Variants in SHC3 observed in about 807,000 individuals in gnomAD.
The protein encoded by SHC3 is SHC-transforming protein 3.
SHC3 carries 15 observed loss-of-function variants against 60.4 expected under a neutral mutation model. That is an observed-to-expected ratio of 0.25 (90% CI 0.17 to 0.38). SHC3 has a LOEUF of 0.38. Among genes scored for constraint, SHC3 ranks in the 10% least tolerant of loss-of-function variants. SHC3 has a pLI of 1.00. For missense variants in SHC3, 677 were observed against 786.1 expected, an observed-to-expected ratio of 0.86 and a Z score of 1.66; for synonymous variants, 294 against 325.9, an observed-to-expected ratio of 0.90 and a Z score of 1.05.
At chr9:89,111,958 T>C (rs553836313) in intron 2 of SHC3, among the ~76,000 whole-genome samples, 11 of 152,356 alleles carry the variant, frequency 7.2e-5, no homozygotes, top group Non-Finnish European at 1.5e-4. Flanking sequence ...GTGTAAGCTC[T>C]ACTGGGAGCT....
Position 89,149,734 on chromosome 9 carries a change from G to C in SHC3, c.474+28253C>G, listed in dbSNP as rs117738117. ...ACAATTCAGTGATTTTGAGTATACA[G>C]TAGATCCCCCTTATTTGTAGTTTCA... On this transcript the variant is annotated intron_variant, in intron 1 of 11. Coordinates refer to ENST00000375835, the MANE Select transcript of SHC3 (RefSeq NM_016848.6). 4.3e-3 allele frequency among the ~76,000 whole-genome samples: 660 copies of C among 152,302 alleles called. 3 individuals carry two copies. Among genetic ancestry groups the C allele is most frequent in the Admixed American group, 6.7e-3 (103 of 15,304 alleles).
At chr9:89,073,474 C>T (rs1291981347) in intron 4 of SHC3, among the ~76,000 whole-genome samples, 1 of 152,120 alleles carries the variant, frequency 6.6e-6, no homozygotes, top group Non-Finnish European at 1.5e-5. Context: ...AGTGTCTAGC[C>T]AGGCTGTTCT....
At chr9:89,107,314 T>G (rs1825877644) in intron 2 of SHC3, among the ~76,000 whole-genome samples, 1 of 152,236 alleles carries the variant, frequency 6.6e-6, no homozygotes, top group Admixed American at 6.5e-5. Flanking sequence ...CCCCTTGCCC[T>G]GTGACTCTGG....
intron 1 of SHC3, among the ~76,000 whole-genome samples, chr9:89,135,709 G>C (rs1310334866): frequency 6.6e-6 from 1 of 152,064 alleles, no homozygotes. Flanking sequence ...GACTGACTCT[G>C]TTTATTCCTG....
chr9:89,121,354 G>A (rs182135756), intron 1 of SHC3, among the ~76,000 whole-genome samples: 33 of 151,784 alleles, frequency 2.2e-4, no homozygotes, highest in African/African-American at 5.8e-4. Context: ...GCAATGGCAC[G>A]ATCTCAGCTC....
At chr9:89,161,116 C>G (rs2118240973) in intron 1 of SHC3, among the ~76,000 whole-genome samples, 1 of 152,252 alleles carries the variant, frequency 6.6e-6, no homozygotes, top group East Asian at 1.9e-4. Flanking sequence ...GAGTTTGGAT[C>G]TGGTCCCCAC....
chr9:89,177,953 C>A, intron 1 of SHC3, 34 bp downstream of exon 1: 1 of 1,199,484 alleles, frequency 8.3e-7, no homozygotes, highest in Non-Finnish European at 1.0e-6. Context: ...CCCCAGAACC[C>A]CCAGCCCCCA....
chr9:89,127,089 C>A (rs142828025), intron 1 of SHC3, among the ~76,000 whole-genome samples: 7 of 152,294 alleles, frequency 4.6e-5, no homozygotes. Flanking sequence ...ATGGAGACTG[C>A]CCAGTACTGT....
chr9:89,036,731 G>T (rs1342927691), intron 11 of SHC3, among the ~76,000 whole-genome samples: 1 of 152,126 alleles, frequency 6.6e-6, no homozygotes, highest in Non-Finnish European at 1.5e-5. Flanking sequence ...TAACATGTTT[G>T]CAAACTTCTT....
At chr9:89,055,016 C>T (rs1274607287) in intron 6 of SHC3, among the ~76,000 whole-genome samples, 2 of 152,254 alleles carry the variant, frequency 1.3e-5, no homozygotes, top group African/African-American at 4.8e-5. Flanking sequence ...ACAAGGACTA[C>T]TCCATAACTG....
intron 2 of SHC3, among the ~76,000 whole-genome samples, chr9:89,099,124 A>T (rs1358551488): frequency 6.6e-6 from 1 of 152,146 alleles, no homozygotes; most frequent in South Asian, 2.1e-4. Context: ...ATTCAATAGA[A>T]TTGAAGTAGC....
intron 4 of SHC3, among the ~76,000 whole-genome samples, chr9:89,071,927 G>A (rs114533389): frequency 2.6e-5 from 4 of 152,300 alleles, no homozygotes; most frequent in African/African-American, 9.6e-5. Flanking sequence ...TTGTGCATCT[G>A]GATCAAGCCA....
chr9:89,137,110 GA>G (rs995713883), intron 1 of SHC3, among the ~76,000 whole-genome samples: 4 of 152,056 alleles, frequency 2.6e-5, no homozygotes, highest in African/African-American at 9.7e-5. Flanking sequence ...ACAGCAAAGG[GA>G]AAATCCACCT....
chr9:89,077,589 G>T (rs1413912762), intron 3 of SHC3, among the ~76,000 whole-genome samples: 4 of 152,200 alleles, frequency 2.6e-5, no homozygotes, highest in Non-Finnish European at 5.9e-5. Flanking sequence ...AGTGTCTGTT[G>T]TTATCATTAT....
intron 1 of SHC3, among the ~76,000 whole-genome samples, chr9:89,143,238 T>A (rs1332950187): frequency 6.9e-4 from 105 of 152,296 alleles, no homozygotes; most frequent in Non-Finnish European, 1.9e-4. Context: ...ATAAGGTAAC[T>A]CCCTGATGTT....
At chr9:89,090,394 A>G (rs1350786339) in intron 2 of SHC3, among the ~76,000 whole-genome samples, 2 of 152,206 alleles carry the variant, frequency 1.3e-5, no homozygotes, top group Non-Finnish European at 2.9e-5. Context: ...CTCCCAGTGT[A>G]AGGTTATGGT....
chr9:89,166,026 G>A (rs1325633320), intron 1 of SHC3, among the ~76,000 whole-genome samples: 1 of 152,144 alleles, frequency 6.6e-6, no homozygotes, highest in African/African-American at 2.4e-5. Flanking sequence ...CCAGTGAGCT[G>A]TAGGTCTGAC....
intron 6 of SHC3, among the ~76,000 whole-genome samples, chr9:89,065,255 C>T (rs549760766): frequency 3.7e-4 from 56 of 152,296 alleles, no homozygotes; most frequent in African/African-American, 1.3e-3. Flanking sequence ...ACCGAGGCCA[C>T]TGTCAGAATA....
chr9:89,126,816 T>C (rs546488778), intron 1 of SHC3, among the ~76,000 whole-genome samples: 15 of 152,332 alleles, frequency 9.8e-5, no homozygotes, highest in African/African-American at 3.4e-4. Flanking sequence ...TGTTATAGTT[T>C]GTGCTATGAA....
Sources: allele counts gnomAD v4.1 joint callset (sites outside exome capture counted in the v4.1 genomes callset), GRCh38; gene constraint gnomAD v4.1.1; transcripts MANE v1.5; gene names NCBI Gene and HGNC (gene_info 2026-07-23, HGNC 2026-07-21).